Variants in KAZN observed in about 807,000 individuals in gnomAD.
KAZN encodes kazrin, periplakin interacting protein.
In KAZN, 40 loss-of-function variants were observed where a neutral mutation model predicts 87.4. The observed-to-expected ratio is 0.46, with a 90% CI of 0.36 to 0.60. KAZN has a LOEUF of 0.60. KAZN is among the 20% of genes least tolerant of loss of function. KAZN has a pLI of 0.00. For missense variants in KAZN, 898 were observed against 1,073.9 expected (o/e 0.84, Z 2.29); for synonymous variants, 466 against 458.3 (o/e 1.02, Z -0.22).
At chr1:14,750,686 G>C (rs1185552336) in intron 1 of KAZN, among the ~76,000 whole-genome samples, 1 of 151,556 alleles carries the variant, frequency 6.6e-6, no homozygotes, top group East Asian at 1.9e-4. Context: ...TTAATTCCTA[G>C]ACTTGTTAAT....
At chr1:14,432,726 C>T (rs1025774452) in intron 2 of KAZN, among the ~76,000 whole-genome samples, 1 of 152,038 alleles carries the variant, frequency 6.6e-6, no homozygotes. Context: ...CCCCTTTCCC[C>T]ACCCCCAACC....
At chr1:13,963,612 AG>A (rs1641833033) in intron 1 of KAZN, among the ~76,000 whole-genome samples, 2 of 152,222 alleles carry the variant, frequency 1.3e-5, no homozygotes, top group Non-Finnish European at 1.5e-5. Context: ...TTTCTAAGTA[AG>A]TAACAGCCAC....
At chr1:14,290,755 G>A (rs79037311) in intron 2 of KAZN, among the ~76,000 whole-genome samples, 1 of 152,130 alleles carries the variant, frequency 6.6e-6, no homozygotes, top group Non-Finnish European at 1.5e-5. Flanking sequence ...GAGGAGAAGA[G>A]GCACTCTGGG....
intron 1 of KAZN, among the ~76,000 whole-genome samples, chr1:14,825,449 G>A (rs141142406): frequency 2.0e-5 from 3 of 151,982 alleles, no homozygotes; most frequent in African/African-American, 7.2e-5. Context: ...CTTGCCGCGG[G>A]CCTGAAAAAA....
intron 1 of KAZN, among the ~76,000 whole-genome samples, chr1:13,993,516 C>A (rs1196096078): frequency 6.6e-6 from 1 of 152,090 alleles, no homozygotes; most frequent in East Asian, 1.9e-4. Context: ...CCTATTTCAA[C>A]AGGTAGATTG....
chr1:14,705,781 G>A (rs1210626106), intron 1 of KAZN, among the ~76,000 whole-genome samples: 1 of 152,168 alleles, frequency 6.6e-6, no homozygotes. Context: ...GGGGAGTAGG[G>A]AAGGAGGCAT....
intron 2 of KAZN, chr1:14,304,642 A>T (rs1379144133): frequency 2.5e-6 from 1 of 398,370 alleles, no homozygotes; most frequent in African/African-American, 2.1e-5. Flanking sequence ...ATTTCCAATG[A>T]TCCAGCAGGC....
intron 13 of KAZN, 116 bp from the exon 14 acceptor site, chr1:15,112,311 C>CCGCAAGGGAAAGA: frequency 1.4e-6 from 1 of 710,558 alleles, no homozygotes; most frequent in Non-Finnish European, 2.5e-6. Flanking sequence ...GTCTCAGCAG[C>CCGCAAGGGAAAGA]TGTGGTCATT....
At chr1:13,910,054 GT>G (rs1466894490) in intron 1 of KAZN, among the ~76,000 whole-genome samples, 1 of 152,182 alleles carries the variant, frequency 6.6e-6, no homozygotes, top group Non-Finnish European at 1.5e-5. Context: ...TTAGATCTGT[GT>G]CCCCATCCAA....
intron 2 of KAZN, among the ~76,000 whole-genome samples, chr1:15,024,898 C>CTGA (rs1671027193): frequency 6.6e-6 from 1 of 152,188 alleles, no homozygotes; most frequent in South Asian, 2.1e-4. Context: ...ATCACCAGGA[C>CTGA]TGATGCTCAG....
intron 1 of KAZN, among the ~76,000 whole-genome samples, chr1:14,068,464 A>G (rs1339901922): frequency 6.6e-6 from 1 of 152,176 alleles, no homozygotes. Context: ...ATGCCCCAAA[A>G]GAGTTTAAAA....
chr1:14,021,985 C>T (rs1640848568), intron 1 of KAZN, among the ~76,000 whole-genome samples: 1 of 100,398 alleles, frequency 1.0e-5, no homozygotes, highest in South Asian at 3.5e-4. Context: ...AACGACTTCT[C>T]AGGTGCAATG....
At chr1:13,952,334 GATAATAATAATAATAATAATAATA>G (rs35005409) in intron 1 of KAZN, among the ~76,000 whole-genome samples, 1 of 143,078 alleles carries the variant, frequency 7.0e-6, no homozygotes, top group African/African-American at 2.6e-5. Context: ...ATAAAATGGA[GATAATAATAATAATAATAATAATA>G]ATAATAATAA....
intron 2 of KAZN, among the ~76,000 whole-genome samples, chr1:14,394,578 G>C (rs997175648): frequency 8.5e-5 from 13 of 152,116 alleles, no homozygotes; most frequent in African/African-American, 3.1e-4. Flanking sequence ...GGAAAATATA[G>C]ATAGGATCGA....
rs539649918 is a variant in KAZN, at chr1:14,844,131, C to T, written c.227-116553C>T. On this transcript the variant is annotated intron_variant, in intron 1 of 14. Coordinates refer to ENST00000376030, the MANE Select transcript of KAZN (RefSeq NM_201628.3). ...CATTAGCCACCCTTTGACATCTAGT[C>T]CAGACTGAGCCTGCTTCTACCCACA... 7.2e-5 allele frequency among the ~76,000 whole-genome samples: 11 copies of T among 152,270 alleles called. No individual in the cohort carries two copies. The South Asian group carries it at 2.1e-3, about 29-fold the overall frequency.
intron 8 of KAZN, among the ~76,000 whole-genome samples, chr1:15,082,559 C>T (rs567465637): frequency 2.0e-5 from 3 of 152,340 alleles, no homozygotes; most frequent in African/African-American, 7.2e-5. Context: ...CCAAGGGTGT[C>T]TGCCAATGGC....
chr1:14,196,654 G>A (rs1646532251), intron 2 of KAZN, among the ~76,000 whole-genome samples: 1 of 152,068 alleles, frequency 6.6e-6, no homozygotes, highest in African/African-American at 2.4e-5. Context: ...TGGGACATAT[G>A]TTTAAGATGC....
At chr1:14,628,302 C>G (rs1003274862) in intron 1 of KAZN, among the ~76,000 whole-genome samples, 2 of 152,230 alleles carry the variant, frequency 1.3e-5, no homozygotes, top group African/African-American at 2.4e-5. Flanking sequence ...TCTTTCAACA[C>G]ACCCGCAGCA....
chr1:13,927,285 G>A (rs1428940121), intron 1 of KAZN, among the ~76,000 whole-genome samples: 1 of 152,182 alleles, frequency 6.6e-6, no homozygotes, highest in Non-Finnish European at 1.5e-5. Flanking sequence ...GAACTAGAAG[G>A]TCACACAGGG....
Sources: gnomAD v4.1 joint callset for allele counts (sites outside exome capture counted in the v4.1 genomes callset) on GRCh38, gnomAD v4.1.1 for gene constraint, MANE v1.5 for transcripts, NCBI Gene and HGNC (gene_info 2026-07-23, HGNC 2026-07-21) for gene names.